ABHD2: variants seen among roughly 807,000 people sequenced by gnomAD.
ABHD2 encodes abhydrolase domain containing 2, acylglycerol lipase, also known as monoacylglycerol lipase ABHD2.
ABHD2 carries 20 observed loss-of-function variants against 48.1 expected under a neutral mutation model. The observed-to-expected ratio is 0.42, with a 90% CI of 0.29 to 0.60. The LOEUF is 0.60. ABHD2 is among the 20% of genes least tolerant of loss of function. The pLI is 0.24. For synonymous variants in ABHD2, 209 were observed against 214.2 expected (o/e 0.98, Z 0.21); for missense variants, 405 against 550.9 (o/e 0.74, Z 2.65).
In ABHD2 at chr15:89,174,227, A is replaced by C. The variant is rs1445170985; in HGVS notation, c.539-1585A>C. 3.9e-5 allele frequency among the ~76,000 whole-genome samples: 6 copies of C among 152,200 alleles called. 1 individual carries two copies. The highest frequency in any genetic ancestry group is 3.9e-4 in the Admixed American group (6 of 15,276). ...ATATTGTAAAGGGAAAAAAAGAGCCACCGAACAATGTGTATGTTACCACTG... is the reference window on the plus strand; with the variant it reads ...ATATTGTAAAGGGAAAAAAAGAGCCCCCGAACAATGTGTATGTTACCACTG... On this transcript the variant is annotated intron_variant, in intron 5 of 10. Coordinates refer to ENST00000352732, the MANE Select transcript of ABHD2 (RefSeq NM_152924.5). The surrounding 1 kb of genome is among the most constrained non-coding windows in gnomAD (Gnocchi z 4.1).
chr15:89,060,296 A>T, the ABHD2 span, among the ~76,000 whole-genome samples: 3 of 151,460 alleles, frequency 2.0e-5, no homozygotes, highest in Non-Finnish European at 4.4e-5. Flanking sequence ...TCACCATATT[A>T]GTCAGGCTGC....
chr15:89,136,034 C>A, intron 3 of ABHD2: 1 of 217,306 alleles, frequency 4.6e-6, no homozygotes, highest in Admixed American at 5.4e-5. Context: ...TCAAGCGATT[C>A]TTTTGCCTCA....
chr15:89,152,958 A>C (rs1038134245), intron 4 of ABHD2, among the ~76,000 whole-genome samples: 18 of 152,218 alleles, frequency 1.2e-4, no homozygotes, highest in African/African-American at 3.4e-4. Flanking sequence ...TTTTTTAAAT[A>C]GGAACTCAGT....
At chr15:89,141,487 G>A (rs1472147537) in intron 3 of ABHD2, among the ~76,000 whole-genome samples, 1 of 152,268 alleles carries the variant, frequency 6.6e-6, no homozygotes, top group East Asian at 1.9e-4. Flanking sequence ...ACAAAAATTA[G>A]CCAGGCATGG....
intron 2 of ABHD2, among the ~76,000 whole-genome samples, chr15:89,115,467 T>C (rs2049944408): frequency 6.6e-6 from 1 of 150,762 alleles, no homozygotes; most frequent in African/African-American, 2.4e-5. Context: ...AAAAGAGAAA[T>C]ATTGGGAGAG....
At position 89,191,140 on chromosome 15, in the gene ABHD2, C is replaced by T. The variant is rs1185387226; in HGVS notation, c.987C>T (p.Tyr329=). 1 of 1,613,980 alleles carries T rather than the reference C, an allele frequency of 6.2e-7. No homozygotes were observed. Among genetic ancestry groups the T allele is most frequent in the Admixed American group, 1.7e-5 (1 of 60,016 alleles). Residue 329 remains tyrosine, a synonymous_variant, in exon 9 of 11, where the codon TAC becomes TAT. Transcript: ENST00000352732. The stretch of plus-strand genomic sequence containing the variant: ...ATGAGGAAGAAAGTTGCATGCGGTA[C>T]CTGCACAGGGTGAGTGGCCATCACG... ...EYYEEESCMR[Y]LHRIYVPLML...
chr15:89,130,297 C>A (rs770018718), intron 3 of ABHD2, among the ~76,000 whole-genome samples: 68 of 152,128 alleles, frequency 4.5e-4, no homozygotes, highest in Non-Finnish European at 7.9e-4. Flanking sequence ...GATTGTCATC[C>A]CACCAGGACC....
At position 89,106,918 on chromosome 15, in the gene ABHD2, C is replaced by A. The variant is rs1029586696; in HGVS notation, c.-106-6807C>A. ...TTTATCTAAGCTGCCACCAAAGAGG[C>A]TGAAAAATCAGAATGACATGGGATG... On this transcript the variant is annotated intron_variant, in intron 1 of 10. Transcript: ENST00000352732. This position sits in a 1 kb window ranked among gnomAD's most constrained non-coding sequence, Gnocchi z 4.2. Among the ~76,000 whole-genome samples, 7 of 152,138 alleles carry A rather than the reference C, an allele frequency of 4.6e-5. No homozygotes were observed. The highest frequency in any genetic ancestry group is 1.7e-4 in the African/African-American group (7 of 41,408).
chr15:89,129,807 A>G (rs1016259528), intron 3 of ABHD2, among the ~76,000 whole-genome samples: 1 of 152,132 alleles, frequency 6.6e-6, no homozygotes. Flanking sequence ...AAAAAAAAAG[A>G]ACAGCATGTA....
At position 89,088,994 on chromosome 15, in the gene ABHD2, T is replaced by G. The variant is rs1222949523; in HGVS notation, c.-107+431T>G. Among the ~76,000 whole-genome samples the G allele has an allele frequency of 6.6e-6, 1 of 152,302 alleles. No homozygotes were observed. The highest frequency in any genetic ancestry group is 1.9e-4 in the East Asian group (1 of 5,186). ...GAGATACCCGAGAGGCCTCTGTGTTTCGGGGCTCCAGGGGCTCACGCAGGA... is the reference window on the plus strand; with the variant it reads ...GAGATACCCGAGAGGCCTCTGTGTTGCGGGGCTCCAGGGGCTCACGCAGGA... On this transcript the variant is annotated intron_variant, in intron 1 of 10. Coordinates refer to ENST00000352732, the MANE Select transcript of ABHD2 (RefSeq NM_152924.5). The surrounding 1 kb of genome is among the most constrained non-coding windows in gnomAD (Gnocchi z 6.8).
At chr15:89,046,197 G>A in the ABHD2 span, among the ~76,000 whole-genome samples, 12 of 152,202 alleles carry the variant, frequency 7.9e-5, no homozygotes, top group African/African-American at 2.4e-4. Context: ...GCTGGATTAC[G>A]TTTATTGATT....
Position 89,126,768 on chromosome 15 carries a change from T to A in ABHD2, c.194+10247T>A, listed in dbSNP as rs1237915098. Among the ~76,000 whole-genome samples the A allele has an allele frequency of 2.0e-5, 3 of 152,200 alleles. No individual in the cohort carries two copies. The East Asian group carries it at 5.8e-4, about 29-fold the overall frequency. ...GCTGACGGCTGTTTACGCTTTTCTT[T>A]GTCTGAAGCAACAGTGAGTGAAGTG... On this transcript the variant is annotated intron_variant, in intron 3 of 10. Coordinates refer to ENST00000352732, the MANE Select transcript of ABHD2 (RefSeq NM_152924.5).
rs137860454 is a variant in ABHD2 at position 89,102,639 on chromosome 15, A to G, written c.-106-11086A>G. On this transcript the variant is annotated intron_variant, in intron 1 of 10. Coordinates refer to ENST00000352732, the MANE Select transcript of ABHD2 (RefSeq NM_152924.5). This position sits in a 1 kb window ranked among gnomAD's most constrained non-coding sequence, Gnocchi z 4.8. ...TATTTCTGCCATTTTTTATGAAACC[A>G]TCTTCCTTGATGGCCAGTTCCTTGC... is the stretch of plus-strand genomic sequence containing the variant. 7.9e-5 allele frequency: 12 copies of G among 152,302 alleles called. No individual in the cohort carries two copies. Among genetic ancestry groups the G allele is most frequent in the Non-Finnish European group, 1.3e-4 (9 of 68,014 alleles). 9.4% of individuals were successfully genotyped at this position (152,302 alleles called of 1,614,324 possible).
At chr15:89,053,803 G>A in the ABHD2 span, among the ~76,000 whole-genome samples, 1 of 152,234 alleles carries the variant, frequency 6.6e-6, no homozygotes, top group Non-Finnish European at 1.5e-5. Flanking sequence ...TGCCTTTGCA[G>A]GGTAAAGTGG....
chr15:89,069,972 G>A, the ABHD2 span: 1 of 152,156 alleles, frequency 6.6e-6, no homozygotes, highest in Admixed American at 6.5e-5. Flanking sequence ...GAGCCACCAT[G>A]CCCTGCTATT....
chr15:89,156,223 C>G (rs2050671724), intron 5 of ABHD2, among the ~76,000 whole-genome samples: 2 of 145,534 alleles, frequency 1.4e-5, no homozygotes, highest in Non-Finnish European at 3.0e-5. Context: ...TGAGTTCACT[C>G]TGTTTTCCTG....
In ABHD2 at chr15:89,137,504, G is replaced by A. The variant is rs2050334362; in HGVS notation, c.195-14173G>A. ...ATGCACAAAGGTCACAGATGTACCA[G>A]CCTGGCCCAGTGGCCTCCGTCCTGT... is the stretch of plus-strand genomic sequence containing the variant. On this transcript the variant is annotated intron_variant, in intron 3 of 10. Coordinates refer to ENST00000352732, the MANE Select transcript of ABHD2 (RefSeq NM_152924.5). The surrounding 1 kb of genome is among the most constrained non-coding windows in gnomAD (Gnocchi z 4.8). Among the ~76,000 whole-genome samples, 1 of 152,192 alleles carries A rather than the reference G, an allele frequency of 6.6e-6. No homozygotes were observed. The highest frequency in any genetic ancestry group is 2.1e-4 in the South Asian group (1 of 4,830).
chr15:89,109,453 T>G (rs1232188947), intron 1 of ABHD2, among the ~76,000 whole-genome samples: 1 of 152,012 alleles, frequency 6.6e-6, no homozygotes, highest in Non-Finnish European at 1.5e-5. Flanking sequence ...ATCATGAAGG[T>G]GGAGCTGGGT....
chr15:89,155,361 C>T lies in ABHD2; in HGVS notation c.371-6C>T. ...ATACATCAGGATCTCTTTCTCTACG[C>T]TATAGATGATATCACCATGGTCATC... On this transcript the variant is annotated splice_polypyrimidine_tract_variant and splice_region_variant and intron_variant, in intron 4 of 10. Coordinates refer to ENST00000352732, the MANE Select transcript of ABHD2 (RefSeq NM_152924.5). This position sits in a 1 kb window ranked among gnomAD's most constrained non-coding sequence, Gnocchi z 4.9. The T allele has an allele frequency of 6.2e-7, 1 of 1,613,342 alleles. No individual in the cohort carries two copies. The highest frequency in any genetic ancestry group is 8.5e-7 in the Non-Finnish European group (1 of 1,179,422).
Sources: allele counts gnomAD v4.1 joint callset (sites outside exome capture counted in the v4.1 genomes callset), GRCh38; gene constraint gnomAD v4.1.1; non-coding constraint Gnocchi (gnomAD v3.1); transcripts MANE v1.5; gene names NCBI Gene and HGNC (gene_info 2026-07-23, HGNC 2026-07-21).